SPATA13: variants seen among roughly 807,000 people sequenced by gnomAD.
The protein encoded by SPATA13 is spermatogenesis-associated protein 13.
Under a neutral mutation model 104.0 loss-of-function variants are expected in SPATA13, and 50 were observed. The ratio of observed to expected loss-of-function variants is 0.48; its 90% CI spans 0.38 to 0.61. SPATA13 has a LOEUF of 0.61. SPATA13 is among the 20% of genes least tolerant of loss of function. The pLI is 0.00. For synonymous variants in SPATA13, 606 were observed against 667.5 expected (o/e 0.91, Z 1.42); for missense variants, 1,524 against 1,690.6 (o/e 0.90, Z 1.73).
At position 24,003,413 on chromosome 13, in the gene SPATA13, A is replaced by G. The variant is rs145865125; in HGVS notation, c.-146-14254A>G. Reference sequence around the variant, plus strand: ...AGAATTCAAATAATGAATGGAGTGCACACAGGAAAGGGTACTGTGCATGTC... The same window carrying G: ...AGAATTCAAATAATGAATGGAGTGCGCACAGGAAAGGGTACTGTGCATGTC... On this transcript the variant is annotated intron_variant, in intron 2 of 14. Coordinates refer to the SPATA13 transcript ENST00000424834. 1.5e-4 allele frequency among the ~76,000 whole-genome samples: 23 copies of G among 152,344 alleles called. No individual in the cohort carries two copies. The East Asian group carries it at 4.0e-3, about 27-fold the overall frequency.
At chr13:24,299,637 G>A (rs997579548) in intron 11 of SPATA13, among the ~76,000 whole-genome samples, 2 of 152,166 alleles carry the variant, frequency 1.3e-5, no homozygotes, top group East Asian at 1.9e-4. Flanking sequence ...CCTCGGGAGC[G>A]AGCCAGGCAG....
intron 3 of SPATA13, among the ~76,000 whole-genome samples, chr13:24,053,714 G>A (rs1346324576): frequency 4.6e-5 from 7 of 152,046 alleles, no homozygotes; most frequent in Non-Finnish European, 1.0e-4. Context: ...GCAATGTTTG[G>A]GTTTCACTTC....
intron 2 of SPATA13, among the ~76,000 whole-genome samples, chr13:24,007,364 A>G (rs954537429): frequency 3.9e-5 from 6 of 152,192 alleles, no homozygotes; most frequent in African/African-American, 1.4e-4. Context: ...GTCTGTGGTC[A>G]GTAGCTGGCC....
At chr13:24,097,622 T>C (rs1880124454) in intron 3 of SPATA13, among the ~76,000 whole-genome samples, 1 of 152,010 alleles carries the variant, frequency 6.6e-6, no homozygotes, top group Non-Finnish European at 1.5e-5. Flanking sequence ...AGGTGCAAGA[T>C]AGCCAATGAT....
chr13:24,109,714 G>A (rs1412864369), intron 3 of SPATA13, among the ~76,000 whole-genome samples: 1 of 152,074 alleles, frequency 6.6e-6, no homozygotes, highest in East Asian at 1.9e-4. Flanking sequence ...TCCTTTTGGA[G>A]CCTTTTTTGC....
chr13:24,136,225 A>G (rs1261518773), intron 3 of SPATA13, among the ~76,000 whole-genome samples: 1 of 152,172 alleles, frequency 6.6e-6, no homozygotes, highest in Non-Finnish European at 1.5e-5. Context: ...TAATCCTAGC[A>G]CTTTGGGAGG....
At chr13:24,049,421 G>C (rs1241270788) in intron 3 of SPATA13, among the ~76,000 whole-genome samples, 1 of 152,238 alleles carries the variant, frequency 6.6e-6, no homozygotes, top group African/African-American at 2.4e-5. Flanking sequence ...CAGCCTCGCT[G>C]TTTGGTGGGC....
chr13:24,251,499 G>T (rs1264161443), intron 3 of SPATA13: 2 of 985,460 alleles, frequency 2.0e-6, no homozygotes, highest in Non-Finnish European at 2.4e-6. Flanking sequence ...TGAAACATGA[G>T]GCTGCAGGGT....
At chr13:24,291,131 G>A (rs1003438383) in intron 9 of SPATA13, among the ~76,000 whole-genome samples, 1 of 152,226 alleles carries the variant, frequency 6.6e-6, no homozygotes, top group African/African-American at 2.4e-5. Flanking sequence ...GCTGTGCCAC[G>A]AGTGCATGGC....
At chr13:24,185,573 A>C (rs570546756) in intron 1 of SPATA13, among the ~76,000 whole-genome samples, 1 of 152,262 alleles carries the variant, frequency 6.6e-6, no homozygotes, top group South Asian at 2.1e-4. Context: ...ATGACTATTG[A>C]TAAGTCCTTT....
At chr13:24,009,588 T>C (rs908497346) in intron 2 of SPATA13, among the ~76,000 whole-genome samples, 4 of 152,190 alleles carry the variant, frequency 2.6e-5, no homozygotes, top group African/African-American at 9.7e-5. Flanking sequence ...CATAGGTAGA[T>C]TTTAAAATTT....
At chr13:24,041,608 G>A (rs191195719) in intron 3 of SPATA13, among the ~76,000 whole-genome samples, 19 of 152,228 alleles carry the variant, frequency 1.2e-4, no homozygotes, top group Admixed American at 1.2e-3. Context: ...GTGATGTTAA[G>A]GAAATGTTTT....
intron 1 of SPATA13, among the ~76,000 whole-genome samples, chr13:24,191,313 A>T (rs935438814): frequency 6.6e-6 from 1 of 151,988 alleles, no homozygotes; most frequent in Non-Finnish European, 1.5e-5. Context: ...TTTTTCAAAC[A>T]TAATGCTATT....
chr13:24,011,214 G>GA lies in SPATA13; in HGVS notation c.-146-6452dup, dbSNP rs1876456513. ...TGCCTGGGTGCCACCTCCCAGCCTG[G>GA]ATCAGCACTCGGAGCTCCCACCTGC... On this transcript the variant is annotated intron_variant, in intron 2 of 14. Coordinates refer to the SPATA13 transcript ENST00000424834. This position sits in a 1 kb window ranked among gnomAD's most constrained non-coding sequence, Gnocchi z 4.3. Among the ~76,000 whole-genome samples, 1 of 151,514 alleles carries GA rather than the reference G, an allele frequency of 6.6e-6. No individual in the cohort carries two copies. Among genetic ancestry groups the GA allele is most frequent in the Non-Finnish European group, 1.5e-5 (1 of 67,892 alleles).
chr13:24,186,144 C>G (rs1011289384), intron 1 of SPATA13, among the ~76,000 whole-genome samples: 1 of 152,158 alleles, frequency 6.6e-6, no homozygotes, highest in Non-Finnish European at 1.5e-5. Context: ...CAGTCCTAGC[C>G]ACGCTGACAC....
chr13:24,217,065 C>CAAACAA (rs1293524274), intron 1 of SPATA13, among the ~76,000 whole-genome samples: 38 of 151,860 alleles, frequency 2.5e-4, no homozygotes, highest in African/African-American at 8.2e-4. Context: ...ACAAAACAAA[C>CAAACAA]AAACAAAAAC....
At chr13:24,165,691 C>A (rs1425297936) in intron 1 of SPATA13, among the ~76,000 whole-genome samples, 1 of 152,094 alleles carries the variant, frequency 6.6e-6, no homozygotes, top group Admixed American at 6.6e-5. Flanking sequence ...CCAATGGGGG[C>A]AGGAGGCTGG....
rs1300953403 is a variant in SPATA13 at position 23,980,305 on chromosome 13, G to A, written c.-354+381G>A. On this transcript the variant is annotated intron_variant, in intron 1 of 14. Transcript: ENST00000424834. ...CTGGCGGTCGCGTTGCCATGGCAGC[G>A]GGGGAGGGGCCGAGCCGCAGCGTGG... Among the ~76,000 whole-genome samples, 6 of 152,346 alleles carry A rather than the reference G, an allele frequency of 3.9e-5. No individual in the cohort carries two copies. In the East Asian group the frequency reaches 7.7e-4, roughly 20 times the overall value.
At chr13:24,068,260 T>A (rs977038409) in intron 3 of SPATA13, among the ~76,000 whole-genome samples, 2 of 152,192 alleles carry the variant, frequency 1.3e-5, no homozygotes, top group African/African-American at 2.4e-5. Flanking sequence ...CATGTGGTAT[T>A]TGGTTTTCTG....
Sources: gnomAD v4.1 joint callset for allele counts (sites outside exome capture counted in the v4.1 genomes callset) on GRCh38, gnomAD v4.1.1 for gene constraint, Gnocchi (gnomAD v3.1) non-coding constraint, MANE v1.5 for transcripts, NCBI Gene and HGNC (gene_info 2026-07-23, HGNC 2026-07-21) for gene names.